Variants in SGCD observed in about 807,000 individuals in gnomAD.
SGCD encodes sarcoglycan delta.
A neutral mutation model predicts 36.6 loss-of-function variants in SGCD; 18 were observed. That is an observed-to-expected ratio of 0.49 (90% CI 0.34 to 0.73). SGCD has a LOEUF of 0.73. Among genes scored for constraint, SGCD ranks in the 30% least tolerant of loss-of-function variants. SGCD has a pLI of 0.01. For synonymous variants in SGCD, 133 were observed against 130.6 expected (o/e 1.02, Z -0.12); for missense variants, 387 against 346.7 (o/e 1.12, Z -0.92).
At chr5:156,734,274 G>A (rs1387306655) in intron 7 of SGCD, among the ~76,000 whole-genome samples, 7 of 151,504 alleles carry the variant, frequency 4.6e-5, no homozygotes, top group African/African-American at 1.7e-4. Context: ...GTTTCCTTTT[G>A]TAGGTGACCT....
At chr5:155,730,422 T>A in the SGCD span, among the ~76,000 whole-genome samples, 1 of 124,022 alleles carries the variant, frequency 8.1e-6, no homozygotes. Context: ...TAGAGATGGA[T>A]GTCCAGTTGG....
the SGCD span, among the ~76,000 whole-genome samples, chr5:155,855,106 C>G: frequency 6.6e-6 from 1 of 152,102 alleles, no homozygotes; most frequent in South Asian, 2.1e-4. Context: ...CACTCTGGAC[C>G]GACCTTTAAC....
intron 6 of SGCD, among the ~76,000 whole-genome samples, chr5:156,642,625 C>G (rs1763078479): frequency 6.6e-6 from 1 of 151,922 alleles, no homozygotes; most frequent in Admixed American, 6.6e-5. Context: ...CATGCCACCA[C>G]ACCTGGCTAA....
chr5:155,949,580 C>A (rs530143611), intron 1 of SGCD, among the ~76,000 whole-genome samples: 1 of 151,938 alleles, frequency 6.6e-6, no homozygotes, highest in Non-Finnish European at 1.5e-5. Context: ...CAGAGGTCAG[C>A]GATAGATTTT....
At chr5:156,144,206 A>G (rs1440029645) in intron 3 of SGCD, among the ~76,000 whole-genome samples, 2 of 152,040 alleles carry the variant, frequency 1.3e-5, no homozygotes, top group Non-Finnish European at 2.9e-5. Flanking sequence ...ATACGTGTCC[A>G]TGTGTCTTTA....
rs75031050 is a variant in SGCD at position 156,494,001 on chromosome 5, T to C, written c.193-14600T>C. 6.1e-3 allele frequency among the ~76,000 whole-genome samples: 922 copies of C among 152,210 alleles called. 6 individuals carry two copies. The highest frequency in any genetic ancestry group is 0.02 in the African/African-American group (850 of 41,546). On this transcript the variant is annotated intron_variant, in intron 3 of 8. Coordinates refer to ENST00000337851, the MANE Select transcript of SGCD (RefSeq NM_000337.6). ...CCTCTTAGACAAGCCTCTCAGAGCA[T>C]ATCAAATCAAGTAAGTGCTAAATTG...
chr5:155,947,825 A>AC (rs1217419877), intron 1 of SGCD, among the ~76,000 whole-genome samples: 2 of 152,136 alleles, frequency 1.3e-5, no homozygotes, highest in African/African-American at 4.8e-5. Flanking sequence ...CAGAAGAGAT[A>AC]CTGGAGAGAG....
chr5:156,357,597 T>TAGCTTGTATTTATGTTAGAAGAA (rs1382216081), intron 3 of SGCD, among the ~76,000 whole-genome samples: 3 of 152,196 alleles, frequency 2.0e-5, no homozygotes, highest in Non-Finnish European at 2.9e-5. Flanking sequence ...ACTAACTACA[T>TAGCTTGTATTTATGTTAGAAGAA]AGCTTGTATT....
intron 6 of SGCD, among the ~76,000 whole-genome samples, chr5:156,596,830 C>G (rs187995509): frequency 1.4e-4 from 22 of 152,230 alleles, no homozygotes; most frequent in African/African-American, 5.3e-4. Flanking sequence ...GTCAAATGCA[C>G]GCATATGTAC....
At chr5:155,808,925 G>A in the SGCD span, among the ~76,000 whole-genome samples, 2 of 152,212 alleles carry the variant, frequency 1.3e-5, no homozygotes, top group Non-Finnish European at 2.9e-5. Flanking sequence ...CACCAACTCT[G>A]AAACCTATAC....
At chr5:156,216,942 G>A (rs1764590947) in intron 3 of SGCD, among the ~76,000 whole-genome samples, 1 of 152,112 alleles carries the variant, frequency 6.6e-6, no homozygotes, top group African/African-American at 2.4e-5. Context: ...AGGCAAGCAT[G>A]GTGGCTGGAG....
At chr5:156,512,901 A>G (rs1048070420) in intron 4 of SGCD, among the ~76,000 whole-genome samples, 7 of 152,028 alleles carry the variant, frequency 4.6e-5, no homozygotes, top group African/African-American at 7.2e-5. Flanking sequence ...AAAACCATCT[A>G]TTTAATGTCT....
At chr5:156,070,965 A>T (rs1760536033) in intron 1 of SGCD, among the ~76,000 whole-genome samples, 1 of 152,034 alleles carries the variant, frequency 6.6e-6, no homozygotes, top group Non-Finnish European at 1.5e-5. Context: ...TTTCTGTGGG[A>T]TCAGTGTTGA....
rs900671155 is a variant in SGCD, at chr5:156,762,812, C to T, written c.*3422C>T. On this transcript the variant is annotated 3_prime_UTR_variant, in exon 9 of 9. Coordinates refer to ENST00000337851, the MANE Select transcript of SGCD (RefSeq NM_000337.6). ...GTCCTTTACAGGCAAAGTTTCCTCACCCCTGACCTAGAGGTTTTTGTGGTA... is the reference window on the plus strand; with the variant it reads ...GTCCTTTACAGGCAAAGTTTCCTCATCCCTGACCTAGAGGTTTTTGTGGTA... The T allele has an allele frequency of 6.6e-6, 1 of 152,264 alleles. No homozygotes were observed. Among genetic ancestry groups the T allele is most frequent in the African/African-American group, 2.4e-5 (1 of 41,446 alleles). 9.4% of individuals were successfully genotyped at this position (152,264 alleles called of 1,614,324 possible). A position where few individuals can be genotyped will look rare whatever the true frequency, so the allele number is the denominator to read the frequency against.
intron 3 of SGCD, among the ~76,000 whole-genome samples, chr5:156,491,586 G>A (rs982313955): frequency 2.0e-5 from 3 of 152,092 alleles, no homozygotes; most frequent in Non-Finnish European, 4.4e-5. Flanking sequence ...CCATAAATAA[G>A]TACAATCATG....
chr5:156,636,479 A>G (rs1762830982), intron 6 of SGCD, among the ~76,000 whole-genome samples: 2 of 152,206 alleles, frequency 1.3e-5, no homozygotes. Context: ...GTCAATGAAG[A>G]CAATAAAATA....
At chr5:156,416,279 C>T (rs192453442) in intron 3 of SGCD, among the ~76,000 whole-genome samples, 17 of 152,310 alleles carry the variant, frequency 1.1e-4, no homozygotes, top group African/African-American at 4.1e-4. Context: ...GAAAACCAAA[C>T]ATTGTATGTT....
chr5:156,508,753 T>G (rs2127875774), intron 4 of SGCD, 51 bp downstream of exon 4: 1 of 1,075,966 alleles, frequency 9.3e-7, no homozygotes, highest in Non-Finnish European at 1.4e-6. Context: ...AGAATCTAAA[T>G]CTGGAGGAAT....
intron 7 of SGCD, among the ~76,000 whole-genome samples, chr5:156,716,524 T>A (rs1755229406): frequency 1.3e-5 from 2 of 152,196 alleles, no homozygotes; most frequent in South Asian, 4.1e-4. Flanking sequence ...ATTTGAAAAA[T>A]GTGCGTAATA....
Sources: allele counts gnomAD v4.1 joint callset (sites outside exome capture counted in the v4.1 genomes callset), GRCh38; gene constraint gnomAD v4.1.1; transcripts MANE v1.5; gene names NCBI Gene and HGNC (gene_info 2026-07-23, HGNC 2026-07-21).